Variants in LAMB4 observed in about 807,000 individuals in gnomAD.
LAMB4 encodes laminin subunit beta 4.
A neutral mutation model predicts 199.2 loss-of-function variants in LAMB4; 196 were observed. The ratio of observed to expected loss-of-function variants is 0.98; its 90% CI spans 0.88 to 1.11. LAMB4 has a LOEUF of 1.11. Ranked by LOEUF, LAMB4 falls within the 50% of genes least tolerant of loss-of-function variation. The pLI is 0.00. For missense variants in LAMB4, 2,080 were observed against 2,171.2 expected, an observed-to-expected ratio of 0.96 and a Z score of 0.83; for synonymous variants, 744 against 770.6, an observed-to-expected ratio of 0.97 and a Z score of 0.57.
intron 4 of LAMB4, among the ~76,000 whole-genome samples, chr7:108,110,532 C>T (rs1282602880): frequency 2.6e-5 from 4 of 152,212 alleles, no homozygotes; most frequent in Non-Finnish European, 2.9e-5. Flanking sequence ...AGCTTAGGTA[C>T]GTGTTTGCTG....
In LAMB4 at chr7:108,109,129, G is replaced by A. The variant is rs372345437; in HGVS notation, c.402+42C>T. 2.0e-5 allele frequency: 27 copies of A among 1,371,368 alleles called. No homozygotes were observed. The African/African-American group carries it at 3.9e-4, about 20-fold the overall frequency. The allele number at this position is 1,371,368 out of a possible 1,614,324, so 84.9% of individuals were successfully genotyped here. A position where few individuals can be genotyped will look rare whatever the true frequency, so the allele number is the denominator to read the frequency against. ...ATTCCAGATAAACACTGAGCATTTA[G>A]GGAATAGATAAAAGAGGGGCAGCAG... On this transcript the variant is annotated intron_variant, in intron 5 of 33. Coordinates refer to ENST00000388781, the MANE Select transcript of LAMB4 (RefSeq NM_007356.3).
chr7:108,025,075 G>A (rs1310661281), intron 33 of LAMB4, among the ~76,000 whole-genome samples: 1 of 152,206 alleles, frequency 6.6e-6, no homozygotes, highest in Non-Finnish European at 1.5e-5. Flanking sequence ...TCAGATTGCT[G>A]AAGATACTTG....
intron 14 of LAMB4, among the ~76,000 whole-genome samples, chr7:108,085,829 G>A (rs1428049879): frequency 2.0e-5 from 3 of 152,120 alleles, no homozygotes; most frequent in Admixed American, 1.3e-4. Flanking sequence ...TAGCCAGGAT[G>A]GTCTCGATCT....
chr7:108,075,044 C>A (rs1324132726), intron 17 of LAMB4, among the ~76,000 whole-genome samples: 1 of 152,140 alleles, frequency 6.6e-6, no homozygotes, highest in African/African-American at 2.4e-5. Context: ...TTAGTTTCTT[C>A]CATTCTCTTT....
chr7:108,074,716 C>G (rs74560765), intron 17 of LAMB4, among the ~76,000 whole-genome samples: 5,564 of 152,228 alleles, frequency 0.037, 322 homozygotes, highest in African/African-American at 0.12. Context: ...CTTATTGCAT[C>G]TATCAAACAT....
At chr7:108,084,875 T>C (rs1388012759) in intron 14 of LAMB4, among the ~76,000 whole-genome samples, 2 of 147,970 alleles carry the variant, frequency 1.4e-5, no homozygotes, top group South Asian at 2.2e-4. Flanking sequence ...TACTGAGTAG[T>C]TGGGACCACC....
At chr7:108,089,439 C>T (rs1377570913) in intron 14 of LAMB4, among the ~76,000 whole-genome samples, 1 of 152,228 alleles carries the variant, frequency 6.6e-6, no homozygotes, top group Non-Finnish European at 1.5e-5. Flanking sequence ...TCTGGCTAGA[C>T]TGTCTTCTCA....
At chr7:108,094,680 G>A (rs2037530663) in intron 12 of LAMB4, among the ~76,000 whole-genome samples, 1 of 151,682 alleles carries the variant, frequency 6.6e-6, no homozygotes, top group Non-Finnish European at 1.5e-5. Flanking sequence ...CATTTCTTAT[G>A]GAGTGAATAT....
intron 14 of LAMB4, among the ~76,000 whole-genome samples, chr7:108,082,887 G>A (rs1314108040): frequency 2.0e-5 from 3 of 152,136 alleles, no homozygotes; most frequent in African/African-American, 7.2e-5. Flanking sequence ...CACCAGTCTT[G>A]TTTCTGCAGT....
intron 3 of LAMB4, 48 bp downstream of exon 3, chr7:108,115,956 A>G (rs1255816906): frequency 1.3e-6 from 2 of 1,582,558 alleles, no homozygotes; most frequent in East Asian, 2.3e-5. Context: ...AAAAATCTAC[A>G]TCATTGATTA....
intron 8 of LAMB4, among the ~76,000 whole-genome samples, chr7:108,105,233 T>A (rs1204699710): frequency 6.6e-6 from 1 of 152,210 alleles, no homozygotes; most frequent in African/African-American, 2.4e-5. Context: ...CAATGTCTTT[T>A]AAGGCTAGTC....
At chr7:108,070,135 C>T (rs939459602) in intron 17 of LAMB4, among the ~76,000 whole-genome samples, 1 of 151,968 alleles carries the variant, frequency 6.6e-6, no homozygotes, top group Admixed American at 6.6e-5. Context: ...TTTTTACTTG[C>T]TAATATGTTT....
At chr7:108,057,802 G>A (rs758688743) in intron 24 of LAMB4, 30 bp downstream of exon 24, 26 of 1,401,382 alleles carry the variant, frequency 1.9e-5, no homozygotes, top group African/African-American at 1.6e-4. Context: ...CTGACTGTAC[G>A]CATGAGTTTT....
intron 3 of LAMB4, among the ~76,000 whole-genome samples, chr7:108,114,330 T>TGG (rs2038336983): frequency 6.6e-6 from 1 of 152,064 alleles, no homozygotes; most frequent in African/African-American, 2.4e-5. Context: ...CCTCCCCTAC[T>TGG]TGGGAAGCTG....
In LAMB4 at chr7:108,055,799, TAACCCTTGCACC is replaced by T. The variant is rs2035963016; in HGVS notation, c.3576_3587del (p.Val1193_Leu1196del). On this transcript the variant is annotated inframe_deletion, in exon 25 of 34. Transcript: ENST00000388781. ...CTTCCATGTTAGCAGCCAGTCTCATTAACCCTTGCACCGCTTTGGAGAGGGAAGAAATGGTGT... is the reference window on the plus strand; with the variant it reads ...CTTCCATGTTAGCAGCCAGTCTCATTGCTTTGGAGAGGGAAGAAATGGTGT... 1.2e-6 allele frequency: 2 copies of T among 1,614,220 alleles called. No homozygotes were observed. The highest frequency in any genetic ancestry group is 1.7e-6 in the Non-Finnish European group (2 of 1,180,024).
intron 17 of LAMB4, among the ~76,000 whole-genome samples, chr7:108,070,435 C>T (rs754829479): frequency 2.6e-5 from 4 of 152,190 alleles, no homozygotes; most frequent in Non-Finnish European, 5.9e-5. Flanking sequence ...GTTTGAACTG[C>T]ATGGGTCCCT....
At chr7:108,114,149 G>A (rs1021151427) in intron 3 of LAMB4, among the ~76,000 whole-genome samples, 8 of 152,202 alleles carry the variant, frequency 5.3e-5, no homozygotes, top group South Asian at 2.1e-4. Context: ...TTGGAAAGTG[G>A]CGGTGGCTCA....
Position 108,069,886 on chromosome 7 carries a change from C to G in LAMB4, c.2125-1G>C. ...AATTGATTTGGGGAATAAGGCCAAGCTTTTGAAAGAATGCAAAAAGACTTA... is the reference window on the plus strand; with the variant it reads ...AATTGATTTGGGGAATAAGGCCAAGGTTTTGAAAGAATGCAAAAAGACTTA... On this transcript the variant is annotated splice_acceptor_variant, in intron 17 of 33. Coordinates refer to ENST00000388781, the MANE Select transcript of LAMB4 (RefSeq NM_007356.3). LOFTEE classifies it high-confidence loss of function. 6.2e-7 allele frequency: 1 copy of G among 1,605,740 alleles called. No homozygotes were observed. The highest frequency in any genetic ancestry group is 8.5e-7 in the Non-Finnish European group (1 of 1,173,598).
intron 14 of LAMB4, among the ~76,000 whole-genome samples, chr7:108,088,398 A>T (rs1036844151): frequency 5.9e-5 from 9 of 152,186 alleles, no homozygotes; most frequent in Non-Finnish European, 1.3e-4. Flanking sequence ...TCCTGACCTC[A>T]GGTGACCTGC....
Sources: allele counts gnomAD v4.1 joint callset (sites outside exome capture counted in the v4.1 genomes callset), GRCh38; gene constraint gnomAD v4.1.1; transcripts MANE v1.5; gene names NCBI Gene and HGNC (gene_info 2026-07-23, HGNC 2026-07-21).